Variants in CENPE observed in about 807,000 individuals in gnomAD.
The protein encoded by CENPE is centromere-associated protein E.
A neutral mutation model predicts 336.1 loss-of-function variants in CENPE; 145 were observed. That is an observed-to-expected ratio of 0.43 (90% confidence interval 0.38 to 0.50). The LOEUF (loss-of-function observed/expected upper bound fraction) is 0.50, where lower values mean the gene tolerates loss of function less well. Among genes scored for constraint, CENPE ranks in the 20% least tolerant of loss-of-function variants. The pLI is 0.00. For synonymous variants in CENPE, 1,013 were observed against 984.8 expected (o/e 1.03, Z -0.54); for missense variants, 2,719 against 3,023.3 (o/e 0.90, Z 2.36).
At chr4:103,138,878 C>A (rs1451532119) in intron 38 of CENPE, among the ~76,000 whole-genome samples, 1 of 152,094 alleles carries the variant, frequency 6.6e-6, no homozygotes, top group African/African-American at 2.4e-5. Context: ...ACCAGGAAAA[C>A]AAATAAATTA....
intron 43 of CENPE, 30 bp downstream of exon 43, chr4:103,122,841 C>A: frequency 6.5e-7 from 1 of 1,536,138 alleles, no homozygotes; most frequent in Non-Finnish European, 9.0e-7. Flanking sequence ...AAGCTGCAAA[C>A]TGAAGAACAT....
At chr4:103,146,209 T>C (rs1254953213) in intron 29 of CENPE, 102 bp from the exon 30 acceptor site, 2 of 1,040,850 alleles carry the variant, frequency 1.9e-6, no homozygotes, top group African/African-American at 1.6e-5. Context: ...CAGGATTCAG[T>C]GCCTCATTTA....
chr4:103,150,517 T>G (rs781659369), intron 26 of CENPE, among the ~76,000 whole-genome samples: 2 of 151,724 alleles, frequency 1.3e-5, no homozygotes, highest in Non-Finnish European at 2.9e-5. Context: ...CAGGGGGGGT[T>G]GAGGCTACAG....
intron 42 of CENPE, among the ~76,000 whole-genome samples, chr4:103,127,108 A>G (rs894439714): frequency 6.6e-6 from 1 of 150,830 alleles, no homozygotes; most frequent in African/African-American, 2.4e-5. Context: ...AAAAAAAAAA[A>G]AAAACCAAAA....
rs1754412832 is a variant in CENPE at position 103,161,222 on chromosome 4, C to T, written c.1995G>A (p.Met665Ile). 3.1e-6 allele frequency: 5 copies of T among 1,609,274 alleles called. No homozygotes were observed. Among genetic ancestry groups the T allele is most frequent in the Non-Finnish European group, 4.2e-6 (5 of 1,178,290 alleles). Reference sequence around the variant, plus strand: ...TTTGATATAACTGAATATCATTTTCCATTTGCTTGTATGTAGTTGCAAGTT... The same window carrying T: ...TTTGATATAACTGAATATCATTTTCTATTTGCTTGTATGTAGTTGCAAGTT... ...MKELATTYKQ[M>I]ENDIQLYQSQ... is the part of the protein sequence containing the mutation. The change falls in exon 20 of 49, where the codon ATG becomes ATA. Residue 665 changes from methionine to isoleucine, a missense_variant. Physicochemically the swap from Met to Ile is conservative, Grantham distance 10 (BLOSUM62 1). Around this residue, in one of 5 missense-constraint regions of CENPE, gnomAD observed 2,437 missense variants for 2,513.3 expected, o/e 0.97. Coordinates refer to ENST00000265148, the MANE Select transcript of CENPE (RefSeq NM_001813.3).
At chr4:103,131,270 A>G (rs749899554) in intron 42 of CENPE, among the ~76,000 whole-genome samples, 8 of 152,210 alleles carry the variant, frequency 5.3e-5, no homozygotes, top group Non-Finnish European at 1.2e-4. Flanking sequence ...CCTGACTAAA[A>G]TAAGGGCAAC....
intron 42 of CENPE, among the ~76,000 whole-genome samples, chr4:103,127,920 A>G (rs1185380784): frequency 8.5e-5 from 13 of 152,188 alleles, no homozygotes; most frequent in Non-Finnish European, 1.6e-4. Context: ...TATTAATCCA[A>G]TTATATCAAT....
At chr4:103,181,641 G>A (rs1036578660) in intron 11 of CENPE, 185 bp from the exon 12 acceptor site, 18 of 412,736 alleles carry the variant, frequency 4.4e-5, no homozygotes, top group Admixed American at 1.0e-4. Flanking sequence ...TATCCTGGGT[G>A]ATAGTCTTCG....
intron 1 of CENPE, among the ~76,000 whole-genome samples, chr4:103,197,377 C>G (rs1288111023): frequency 6.6e-6 from 1 of 152,232 alleles, no homozygotes; most frequent in East Asian, 1.9e-4. Flanking sequence ...GACACCAGTT[C>G]ACCCCACGGG....
intron 29 of CENPE, among the ~76,000 whole-genome samples, chr4:103,146,992 C>G (rs978192429): frequency 1.3e-5 from 2 of 151,908 alleles, no homozygotes; most frequent in Non-Finnish European, 2.9e-5. Flanking sequence ...AGATTTCTGA[C>G]TAAAACAATG....
intron 18 of CENPE, among the ~76,000 whole-genome samples, chr4:103,162,339 G>A (rs1754518910): frequency 6.6e-6 from 1 of 151,890 alleles, no homozygotes; most frequent in Non-Finnish European, 1.5e-5. Flanking sequence ...ATTAAAAACT[G>A]GAACCAAACA....
At position 103,151,208 on chromosome 4, in the gene CENPE, T is replaced by A; in HGVS notation, c.3396+11A>T. 1 of 1,583,450 alleles carries A rather than the reference T, an allele frequency of 6.3e-7. No homozygotes were observed. The highest frequency in any genetic ancestry group is 2.3e-5 in the East Asian group (1 of 43,978). The stretch of plus-strand genomic sequence containing the variant: ...GAAAAAATGGCCAGGGAAATAACTT[T>A]AAAAATTCACCTTTTCCTTTAGTTT... On this transcript the variant is annotated intron_variant, in intron 26 of 48. Coordinates refer to ENST00000265148, the MANE Select transcript of CENPE (RefSeq NM_001813.3).
At chr4:103,151,416 A>G (rs1753558212) in intron 25 of CENPE, 39 bp from the exon 26 acceptor site, 1 of 1,423,206 alleles carries the variant, frequency 7.0e-7, no homozygotes, top group Non-Finnish European at 9.4e-7. Flanking sequence ...AGTAAATATT[A>G]GCTAACATTT....
Position 103,196,804 on chromosome 4 carries a change from T to C in CENPE, c.103A>G (p.Asn35Asp). The C allele has an allele frequency of 6.2e-7, 1 of 1,600,870 alleles. No homozygotes were observed. Residue 35 changes from asparagine to aspartate, a missense_variant, in exon 2 of 49, where the codon AAT (asparagine) becomes GAT (aspartate). Around this residue, in one of 5 missense-constraint regions of CENPE, gnomAD observed 48 missense variants for 50.8 expected, o/e 0.94. Transcript: ENST00000265148. ...ETAQVYWKTD[N>D]NVIYQVDGSK... ...CCATCAACTTGATAAATGACATTAT[T>C]GTCAGTTTTCCAGTAAACTTGGGCA...
At chr4:103,133,462 T>C (rs1428356455) in intron 41 of CENPE, among the ~76,000 whole-genome samples, 1 of 152,166 alleles carries the variant, frequency 6.6e-6, no homozygotes. Context: ...TGTGGAGTTG[T>C]TGTAATAAAG....
chr4:103,172,729 A>G (rs1034739964), intron 16 of CENPE, among the ~76,000 whole-genome samples: 11 of 152,046 alleles, frequency 7.2e-5, no homozygotes, highest in African/African-American at 2.7e-4. Context: ...TACAACTAAT[A>G]AAAAACTCAG....
intron 42 of CENPE, among the ~76,000 whole-genome samples, chr4:103,128,363 A>G (rs2125886030): frequency 6.6e-6 from 1 of 152,344 alleles, no homozygotes; most frequent in South Asian, 2.1e-4. Context: ...CAGATCCACC[A>G]GGCAGAAAAA....
intron 43 of CENPE, 27 bp from the exon 44 acceptor site, chr4:103,120,360 G>A (rs1315791161): frequency 6.4e-6 from 10 of 1,563,110 alleles, no homozygotes; most frequent in Non-Finnish European, 8.7e-6. Context: ...ACATTCATAA[G>A]CTCTATCATC....
chr4:103,124,941 C>T lies in CENPE; in HGVS notation c.6925-1852G>A, dbSNP rs17282245. On this transcript the variant is annotated intron_variant, in intron 42 of 48. Transcript: ENST00000265148. The stretch of plus-strand genomic sequence containing the variant: ...GAAGAAGCCACATATACATGCTGAT[C>T]CACATAGTAGAAATCCCTGCTTTCT... Among the ~76,000 whole-genome samples, 1,358 of 152,310 alleles carry T rather than the reference C, an allele frequency of 8.9e-3. 7 individuals are homozygous for T. The highest frequency in any genetic ancestry group is 0.015 in the Non-Finnish European group (1,048 of 68,034).
Sources: allele counts gnomAD v4.1 joint callset (sites outside exome capture counted in the v4.1 genomes callset), GRCh38; gene constraint gnomAD v4.1.1; regional missense constraint gnomAD v4.1.1; transcripts MANE v1.5; gene names NCBI Gene and HGNC (gene_info 2026-07-23, HGNC 2026-07-21).